UNC5C: variants seen among roughly 807,000 people sequenced by gnomAD.
UNC5C encodes the protein netrin receptor UNC5C.
UNC5C carries 47 observed loss-of-function variants against 99.8 expected under a neutral mutation model. The ratio of observed to expected loss-of-function variants is 0.47; its 90% CI spans 0.37 to 0.60. The LOEUF is 0.60. Among genes scored for constraint, UNC5C ranks in the 20% least tolerant of loss-of-function variants. The pLI, the probability that UNC5C is intolerant of heterozygous loss-of-function variation, is 0.00. For synonymous variants in UNC5C, 487 were observed against 452.2 expected (o/e 1.08, Z -0.98); for missense variants, 1,062 against 1,165.9 (o/e 0.91, Z 1.30).
At chr4:95,218,600 CAAAT>C (rs1738346413) in intron 9 of UNC5C, among the ~76,000 whole-genome samples, 1 of 152,140 alleles carries the variant, frequency 6.6e-6, no homozygotes, top group Non-Finnish European at 1.5e-5. Flanking sequence ...GGAACTTAAT[CAAAT>C]GATATATTTA....
chr4:95,438,706 T>C (rs2149462725), intron 1 of UNC5C, among the ~76,000 whole-genome samples: 2 of 152,274 alleles, frequency 1.3e-5, no homozygotes, highest in Admixed American at 6.5e-5. Flanking sequence ...GAAGGACTGC[T>C]ATATGATTAT....
intron 1 of UNC5C, among the ~76,000 whole-genome samples, chr4:95,384,163 T>A (rs888467473): frequency 2.6e-5 from 4 of 152,192 alleles, no homozygotes; most frequent in African/African-American, 9.6e-5. Flanking sequence ...AAGGGCCCAA[T>A]GTGAAGCCCA....
In UNC5C at chr4:95,162,731, C is replaced by T. The variant is rs546048492; in HGVS notation, c.*6503G>A. ...TATCCGGAGGGCACTCTGCCTCTGC[C>T]GGGGGGTTTTTTTAGAAAAGGAATT... On this transcript the variant is annotated 3_prime_UTR_variant, in exon 16 of 16. Coordinates refer to ENST00000453304, the MANE Select transcript of UNC5C (RefSeq NM_003728.4). 4.0e-5 allele frequency: 6 copies of T among 151,806 alleles called. No individual in the cohort carries two copies. The highest frequency in any genetic ancestry group is 6.6e-5 in the Admixed American group (1 of 15,230). The allele number at this position is 151,806 out of a possible 1,614,324, so 9.4% of individuals were successfully genotyped here.
chr4:95,467,566 A>C (rs1263703631), intron 1 of UNC5C, among the ~76,000 whole-genome samples: 1 of 152,182 alleles, frequency 6.6e-6, no homozygotes, highest in Non-Finnish European at 1.5e-5. Flanking sequence ...AAAGATAAGA[A>C]ATAAGAGCGT....
chr4:95,315,184 A>G (rs890716090), intron 2 of UNC5C, among the ~76,000 whole-genome samples: 2 of 152,170 alleles, frequency 1.3e-5, no homozygotes, highest in Admixed American at 6.5e-5. Context: ...ACTGTGTGCC[A>G]AGCATATTAT....
intron 1 of UNC5C, among the ~76,000 whole-genome samples, chr4:95,511,805 C>T (rs1328210513): frequency 5.3e-5 from 8 of 151,954 alleles, no homozygotes. Flanking sequence ...AAAAAAAAAT[C>T]AATACAAATT....
At chr4:95,214,496 C>T (rs1295553353) in intron 10 of UNC5C, among the ~76,000 whole-genome samples, 2 of 152,226 alleles carry the variant, frequency 1.3e-5, no homozygotes. Flanking sequence ...TCTGTTTTCT[C>T]TTTCTTTCAT....
intron 1 of UNC5C, among the ~76,000 whole-genome samples, chr4:95,347,899 A>G (rs956117585): frequency 6.6e-6 from 1 of 152,134 alleles, no homozygotes; most frequent in African/African-American, 2.4e-5. Flanking sequence ...CAAAGCAAAA[A>G]TGGACAAATG....
intron 1 of UNC5C, among the ~76,000 whole-genome samples, chr4:95,415,385 C>T (rs1746131510): frequency 6.6e-6 from 1 of 152,022 alleles, no homozygotes; most frequent in African/African-American, 2.4e-5. Flanking sequence ...CCTACAGCTT[C>T]CTATCCCTAA....
chr4:95,447,368 C>G (rs1747135211), intron 1 of UNC5C, among the ~76,000 whole-genome samples: 1 of 152,168 alleles, frequency 6.6e-6, no homozygotes, highest in Non-Finnish European at 1.5e-5. Context: ...CAAAACTTCA[C>G]TGAGACAAGG....
intron 7 of UNC5C, among the ~76,000 whole-genome samples, chr4:95,239,279 C>G (rs1739240862): frequency 6.6e-6 from 1 of 152,146 alleles, no homozygotes; most frequent in African/African-American, 2.4e-5. Context: ...CATACCAGAG[C>G]TAGGGTGAGG....
At chr4:95,181,264 A>G (rs1005025355) in intron 14 of UNC5C, among the ~76,000 whole-genome samples, 1 of 152,208 alleles carries the variant, frequency 6.6e-6, no homozygotes, top group South Asian at 2.1e-4. Flanking sequence ...AAAAGAAGTA[A>G]TCTTTCCTCT....
intron 2 of UNC5C, among the ~76,000 whole-genome samples, chr4:95,326,425 A>T (rs1160034373): frequency 6.6e-6 from 1 of 152,186 alleles, no homozygotes; most frequent in Admixed American, 6.5e-5. Context: ...TCAAGTAAAT[A>T]GAAAGCAAAC....
chr4:95,189,464 T>C (rs1033103991), intron 12 of UNC5C, among the ~76,000 whole-genome samples: 2 of 152,250 alleles, frequency 1.3e-5, no homozygotes, highest in Middle Eastern at 3.4e-3. Flanking sequence ...TTTAAAGCAA[T>C]GGCAACAGAA....
chr4:95,354,479 A>ATATT, intron 1 of UNC5C, among the ~76,000 whole-genome samples: 1 of 110,350 alleles, frequency 9.1e-6, no homozygotes, highest in African/African-American at 4.0e-5. Context: ...ATATATATAT[A>ATATT]TTTTTTTTTT....
chr4:95,179,918 C>CATTT (rs1156853107), intron 14 of UNC5C, among the ~76,000 whole-genome samples: 1 of 151,812 alleles, frequency 6.6e-6, no homozygotes, highest in East Asian at 1.9e-4. Flanking sequence ...ATTTAGTTTT[C>CATTT]ATTTATTTAT....
chr4:95,324,842 T>C (rs1272182038), intron 2 of UNC5C, among the ~76,000 whole-genome samples: 1 of 152,162 alleles, frequency 6.6e-6, no homozygotes, highest in African/African-American at 2.4e-5. Context: ...GGATCTTGGA[T>C]TTCCCAGCCT....
At chr4:95,203,756 G>A (rs1393112602) in intron 11 of UNC5C, among the ~76,000 whole-genome samples, 2 of 152,148 alleles carry the variant, frequency 1.3e-5, no homozygotes, top group African/African-American at 2.4e-5. Flanking sequence ...GAGCCACCAC[G>A]CCCAGCCACA....
intron 1 of UNC5C, among the ~76,000 whole-genome samples, chr4:95,535,372 T>A (rs1722747853): frequency 6.6e-6 from 1 of 152,198 alleles, no homozygotes; most frequent in Non-Finnish European, 1.5e-5. Flanking sequence ...ATTTTGTCAT[T>A]CTTATATCTA....
Sources: allele counts gnomAD v4.1 joint callset (sites outside exome capture counted in the v4.1 genomes callset), GRCh38; gene constraint gnomAD v4.1.1; transcripts MANE v1.5; gene names NCBI Gene and HGNC (gene_info 2026-07-23, HGNC 2026-07-21).